NDC80: variants seen among roughly 807,000 people sequenced by gnomAD.
The protein encoded by NDC80 is NDC80 kinetochore complex component, also known as kinetochore protein NDC80 homolog.
A neutral mutation model predicts 89.3 loss-of-function variants in NDC80; 69 were observed. The observed-to-expected ratio is 0.77, with a 90% CI of 0.64 to 0.94. NDC80 has a LOEUF of 0.94. Among genes scored for constraint, NDC80 ranks in the 40% least tolerant of loss-of-function variants. The probability of loss-of-function intolerance (pLI) is 0.00; values close to 1 mark genes in which losing one functional copy is unlikely to be tolerated. For synonymous variants in NDC80, 243 were observed against 255.6 expected (o/e 0.95, Z 0.47); for missense variants, 593 against 739.6 (o/e 0.80, Z 2.30).
chr18:2,584,959 G>C (rs1223423180), intron 6 of NDC80, among the ~76,000 whole-genome samples, 154 bp from the exon 7 acceptor site: 1 of 152,158 alleles, frequency 6.6e-6, no homozygotes, highest in African/African-American at 2.4e-5. Flanking sequence ...AAAGTCAAAA[G>C]TGTTAATGTT....
chr18:2,607,381 T>C (rs1326745866), intron 14 of NDC80, among the ~76,000 whole-genome samples: 2 of 152,164 alleles, frequency 1.3e-5, no homozygotes, highest in Non-Finnish European at 2.9e-5. Context: ...TTAATACATC[T>C]GTGAAATAAG....
chr18:2,616,362 T>G (rs571337090), intron 16 of NDC80, 75 bp from the exon 17 acceptor site: 1 of 1,090,992 alleles, frequency 9.2e-7, no homozygotes, highest in Non-Finnish European at 1.3e-6. Flanking sequence ...TCCTCTTGTT[T>G]GTAAATTTTA....
At chr18:2,590,979 C>G (rs935678781) in intron 10 of NDC80, among the ~76,000 whole-genome samples, 2 of 151,992 alleles carry the variant, frequency 1.3e-5, no homozygotes, top group Non-Finnish European at 2.9e-5. Flanking sequence ...TTCAAATAAT[C>G]CTCCCACTTC....
chr18:2,609,914 T>C (rs865954119), intron 15 of NDC80, among the ~76,000 whole-genome samples: 6 of 152,220 alleles, frequency 3.9e-5, no homozygotes, highest in South Asian at 4.1e-4. Flanking sequence ...TAAGCAAACA[T>C]GAAATTTGCC....
At chr18:2,595,344 T>C (rs2072649192) in intron 10 of NDC80, 72 bp from the exon 11 acceptor site, 2 of 978,766 alleles carry the variant, frequency 2.0e-6, no homozygotes. Flanking sequence ...ATCTTAGCTC[T>C]ATTACATGAT....
intron 11 of NDC80, among the ~76,000 whole-genome samples, chr18:2,596,368 C>T (rs1002832864): frequency 1.3e-5 from 2 of 151,910 alleles, no homozygotes; most frequent in Non-Finnish European, 2.9e-5. Flanking sequence ...GGGCGAAGGA[C>T]ATGAACAGAC....
intron 13 of NDC80, among the ~76,000 whole-genome samples, chr18:2,605,759 G>T (rs559407892): frequency 4.1e-4 from 63 of 151,850 alleles, no homozygotes; most frequent in Non-Finnish European, 7.4e-4. Context: ...TTACTCTTTT[G>T]TGTTTCCTGC....
At position 2,602,761 on chromosome 18, in the gene NDC80, G is replaced by T. The variant is rs145644851; in HGVS notation, c.1464+1276G>T. Among the ~76,000 whole-genome samples, 6 of 152,268 alleles carry T rather than the reference G, an allele frequency of 3.9e-5. No homozygotes were observed. The East Asian group carries it at 1.2e-3, about 29-fold the overall frequency. On this transcript the variant is annotated intron_variant, in intron 13 of 16. Transcript: ENST00000261597. ...CAGGCACTCCCATATAGAGAAAAAG[G>T]CTGACATAGGTACAGTTATGCTCAT...
chr18:2,587,795 A>T (rs781444400), intron 7 of NDC80, 35 bp from the exon 8 acceptor site: 2 of 1,536,906 alleles, frequency 1.3e-6, no homozygotes, highest in Admixed American at 3.4e-5. Flanking sequence ...ATAGAGAATC[A>T]TAACTTTGTT....
chr18:2,581,366 A>G (rs915370150), intron 6 of NDC80, among the ~76,000 whole-genome samples: 2 of 152,220 alleles, frequency 1.3e-5, no homozygotes, highest in Non-Finnish European at 2.9e-5. Flanking sequence ...CCATTTATGG[A>G]AAAACTGATA....
At chr18:2,572,943 A>G in intron 1 of NDC80, 34 bp from the exon 2 acceptor site, 2 of 1,556,238 alleles carry the variant, frequency 1.3e-6, no homozygotes, top group Non-Finnish European at 1.8e-6. Flanking sequence ...TCTGTCTGGA[A>G]AGTTTTTTTT....
chr18:2,589,240 C>A lies in NDC80; in HGVS notation c.800C>A (p.Ser267Ter), dbSNP rs150913539. The A allele has an allele frequency of 1.4e-5, 23 of 1,613,142 alleles. No individual in the cohort carries two copies. The highest frequency in any genetic ancestry group is 2.0e-5 in the Non-Finnish European group (23 of 1,179,444). ...LFNVDAFKLE[S>*]LEAKNRALNE... is the part of the protein sequence containing the mutation. ...AATGTGGATGCTTTTAAGCTGGAAT[C>A]ATTAGAAGCAAAAAACAGAGCATTG... is the stretch of plus-strand genomic sequence containing the variant. Residue 267 changes from serine to a stop codon, truncating the protein, a stop_gained, in exon 9 of 17, where the codon TCA becomes TAA. Transcript: ENST00000261597. LOFTEE classifies it high-confidence loss of function.
intron 14 of NDC80, among the ~76,000 whole-genome samples, chr18:2,607,564 A>G (rs1469365999): frequency 1.3e-5 from 2 of 152,162 alleles, no homozygotes; most frequent in African/African-American, 2.4e-5. Flanking sequence ...AAACTTCACT[A>G]CTGAATTCTA....
At chr18:2,574,907 G>A in intron 2 of NDC80, 82 bp from the exon 3 acceptor site, 1 of 853,436 alleles carries the variant, frequency 1.2e-6, no homozygotes, top group Non-Finnish European at 1.8e-6. Context: ...GGGAAGAGTT[G>A]TTGGTTCTAA....
intron 12 of NDC80, among the ~76,000 whole-genome samples, 168 bp from the exon 13 acceptor site, chr18:2,601,228 T>G (rs2072682357): frequency 6.6e-6 from 1 of 152,200 alleles, no homozygotes; most frequent in African/African-American, 2.4e-5. Context: ...TACAGAAATT[T>G]GATTAAAAAC....
At chr18:2,613,321 CTT>C (rs2072755326) in intron 16 of NDC80, among the ~76,000 whole-genome samples, 1 of 152,214 alleles carries the variant, frequency 6.6e-6, no homozygotes, top group Non-Finnish European at 1.5e-5. Flanking sequence ...TACAGAAAAA[CTT>C]TGCTTTTCCT....
intron 6 of NDC80, among the ~76,000 whole-genome samples, chr18:2,581,539 G>C (rs954436021): frequency 6.6e-6 from 1 of 152,140 alleles, no homozygotes; most frequent in African/African-American, 2.4e-5. Context: ...GGTGCATGCC[G>C]TCCCGGCTAC....
intron 2 of NDC80, among the ~76,000 whole-genome samples, chr18:2,573,601 G>T (rs192614800): frequency 6.6e-6 from 1 of 152,190 alleles, no homozygotes; most frequent in Admixed American, 6.5e-5. Context: ...CATTATGAGT[G>T]ATTATCTTCC....
At chr18:2,603,378 T>TAC (rs1555618772) in intron 13 of NDC80, among the ~76,000 whole-genome samples, 6 of 143,504 alleles carry the variant, frequency 4.2e-5, no homozygotes, top group African/African-American at 1.0e-4. Context: ...TATATATATA[T>TAC]ACACCTATGT....
Sources: gnomAD v4.1 joint callset for allele counts (sites outside exome capture counted in the v4.1 genomes callset) on GRCh38, gnomAD v4.1.1 for gene constraint, MANE v1.5 for transcripts, NCBI Gene and HGNC (gene_info 2026-07-23, HGNC 2026-07-21) for gene names.